PTPRD: variants seen among roughly 807,000 people sequenced by gnomAD.
The protein encoded by PTPRD is receptor-type tyrosine-protein phosphatase delta.
In PTPRD, 34 loss-of-function variants were observed where a neutral mutation model predicts 214.5. The ratio of observed to expected loss-of-function variants is 0.16; its 90% confidence interval spans 0.12 to 0.21. PTPRD has a LOEUF of 0.21. Among genes scored for constraint, PTPRD ranks in the 10% least tolerant of loss-of-function variants. The pLI is 1.00. For synonymous variants in PTPRD, 1,128 were observed against 845.7 expected, an observed-to-expected ratio of 1.33 and a Z score of -5.79; for missense variants, 2,545 against 2,398.7, an observed-to-expected ratio of 1.06 and a Z score of -1.27.
intron 9 of PTPRD, among the ~76,000 whole-genome samples, chr9:9,313,193 G>C (rs1960138250): frequency 6.6e-6 from 1 of 152,062 alleles, no homozygotes; most frequent in East Asian, 1.9e-4. Flanking sequence ...ATAAGTTGCA[G>C]TTTCCGGTAA....
intron 3 of PTPRD, among the ~76,000 whole-genome samples, chr9:10,187,041 T>G (rs760531131): frequency 5.3e-5 from 8 of 152,196 alleles, no homozygotes; most frequent in Non-Finnish European, 1.0e-4. Context: ...TTTTGCTTTT[T>G]AAGAAATCAA....
intron 6 of PTPRD, among the ~76,000 whole-genome samples, chr9:9,757,308 A>C (rs2098596597): frequency 6.6e-6 from 1 of 152,202 alleles, no homozygotes; most frequent in Non-Finnish European, 1.5e-5. Flanking sequence ...AATCTATTTA[A>C]ATATCATGAT....
At chr9:9,243,654 C>T (rs188544106) in intron 9 of PTPRD, among the ~76,000 whole-genome samples, 19 of 152,182 alleles carry the variant, frequency 1.2e-4, no homozygotes, top group African/African-American at 4.3e-4. Context: ...ATAATAAGAG[C>T]TATTTATGAC....
intron 3 of PTPRD, among the ~76,000 whole-genome samples, chr9:10,311,376 G>C (rs138916479): frequency 0.011 from 1,667 of 152,092 alleles, 14 homozygotes; most frequent in Non-Finnish European, 0.017. Flanking sequence ...AAACAAAAAT[G>C]CAATCTCTTC....
chr9:9,776,877 C>T (rs189675464), intron 5 of PTPRD, among the ~76,000 whole-genome samples: 1 of 152,170 alleles, frequency 6.6e-6, no homozygotes, highest in African/African-American at 2.4e-5. Flanking sequence ...TAGATAATAA[C>T]CAGCTAATTT....
At chr9:8,350,087 C>G (rs1044465635) in intron 39 of PTPRD, among the ~76,000 whole-genome samples, 2 of 152,024 alleles carry the variant, frequency 1.3e-5, no homozygotes, top group African/African-American at 4.8e-5. Flanking sequence ...TTTTCAATTT[C>G]TAAAAACATG....
intron 11 of PTPRD, among the ~76,000 whole-genome samples, chr9:8,982,617 C>A (rs1370110714): frequency 6.6e-6 from 1 of 151,186 alleles, no homozygotes; most frequent in Non-Finnish European, 1.5e-5. Context: ...CCACAATCAT[C>A]ATCTTATAAA....
chr9:10,291,147 GATAA>G (rs1419225599), intron 3 of PTPRD, among the ~76,000 whole-genome samples: 2 of 151,750 alleles, frequency 1.3e-5, no homozygotes, highest in African/African-American at 4.8e-5. Context: ...TTTCTTCAGT[GATAA>G]ATAGAGACTC....
rs74769643 is a variant in PTPRD at position 8,463,702 on chromosome 9, T to G, written c.3714+1764A>C. 6.0e-3 allele frequency among the ~76,000 whole-genome samples: 917 copies of G among 152,086 alleles called. 10 individuals carry two copies. The highest frequency in any genetic ancestry group is 0.021 in the African/African-American group (852 of 41,538). On this transcript the variant is annotated intron_variant, in intron 32 of 45. Coordinates refer to ENST00000381196, the MANE Select transcript of PTPRD (RefSeq NM_002839.4). ...GTGCGTGGCAATAAGAGATTAAATT[T>G]TGGATAATTCCAAACCAGTTATCTG... is the stretch of plus-strand genomic sequence containing the variant.
intron 9 of PTPRD, among the ~76,000 whole-genome samples, chr9:9,394,380 T>C (rs2066968877): frequency 2.0e-5 from 3 of 152,186 alleles, no homozygotes; most frequent in Admixed American, 2.0e-4. Context: ...AATTGCCTAG[T>C]ATATAAAAGC....
At chr9:10,235,837 C>T (rs1268874700) in intron 3 of PTPRD, among the ~76,000 whole-genome samples, 1 of 151,912 alleles carries the variant, frequency 6.6e-6, no homozygotes, top group Non-Finnish European at 1.5e-5. Context: ...TAAAACATAA[C>T]TTGGGCAATT....
chr9:9,055,317 A>G (rs1481697021), intron 10 of PTPRD, among the ~76,000 whole-genome samples: 1 of 152,192 alleles, frequency 6.6e-6, no homozygotes, highest in East Asian at 1.9e-4. Context: ...CACAAAAATG[A>G]TAACCATGTG....
chr9:8,606,523 T>C (rs576969202), intron 14 of PTPRD, among the ~76,000 whole-genome samples: 94 of 152,286 alleles, frequency 6.2e-4, no homozygotes, highest in African/African-American at 2.0e-3. Context: ...AAATAAGTTT[T>C]CAATTTATTT....
chr9:9,240,299 TTAAAC>T (rs1234472712), intron 9 of PTPRD, among the ~76,000 whole-genome samples: 3 of 152,172 alleles, frequency 2.0e-5, no homozygotes, highest in Non-Finnish European at 4.4e-5. Flanking sequence ...AGTCATTGGT[TTAAAC>T]TATATATATT....
chr9:9,792,477 G>T (rs551984406), intron 5 of PTPRD, among the ~76,000 whole-genome samples: 2 of 152,034 alleles, frequency 1.3e-5, no homozygotes, highest in Non-Finnish European at 2.9e-5. Flanking sequence ...TTCAATTTTT[G>T]TATGTGTGAA....
intron 2 of PTPRD, among the ~76,000 whole-genome samples, chr9:10,446,710 G>A (rs1484113020): frequency 6.6e-6 from 1 of 152,094 alleles, no homozygotes; most frequent in Non-Finnish European, 1.5e-5. Flanking sequence ...AAGAAAACCT[G>A]CTGCCCTAAT....
intron 44 of PTPRD, among the ~76,000 whole-genome samples, chr9:8,324,120 C>CT (rs1831192536): frequency 2.7e-5 from 4 of 146,624 alleles, no homozygotes; most frequent in Admixed American, 2.7e-4. Context: ...TTTTTTTAAA[C>CT]TTTAAGTTCT....
At chr9:9,404,641 A>G (rs1270701417) in intron 8 of PTPRD, among the ~76,000 whole-genome samples, 1 of 152,102 alleles carries the variant, frequency 6.6e-6, no homozygotes, top group Non-Finnish European at 1.5e-5. Flanking sequence ...TATTAGATAC[A>G]TGAGTACAAG....
chr9:10,012,911 G>C (rs1412158813), intron 4 of PTPRD, among the ~76,000 whole-genome samples: 3 of 151,772 alleles, frequency 2.0e-5, no homozygotes, highest in African/African-American at 4.8e-5. Context: ...ATGAGCATGA[G>C]ATTAAATTAT....
Sources: gnomAD v4.1 joint callset for allele counts (sites outside exome capture counted in the v4.1 genomes callset) on GRCh38, gnomAD v4.1.1 for gene constraint, MANE v1.5 for transcripts, NCBI Gene and HGNC (gene_info 2026-07-23, HGNC 2026-07-21) for gene names.